The following AKAP12 variants were observed in gnomAD, a reference collection of about 807,000 sequenced individuals.
AKAP12 encodes A-kinase anchoring protein 12.
Under a neutral mutation model 79.9 loss-of-function variants are expected in AKAP12, and 32 were observed. The observed-to-expected ratio is 0.40, with a 90% CI of 0.30 to 0.54. AKAP12 has a LOEUF of 0.54. Ranked by LOEUF, AKAP12 falls within the 20% of genes least tolerant of loss-of-function variation. The pLI, the probability that AKAP12 is intolerant of heterozygous loss-of-function variation, is 0.48. For missense variants in AKAP12, 2,074 were observed against 2,177.0 expected, an observed-to-expected ratio of 0.95 and a Z score of 0.94; for synonymous variants, 808 against 857.0, an observed-to-expected ratio of 0.94 and a Z score of 1.00.
intron 2 of AKAP12, among the ~76,000 whole-genome samples, chr6:151,285,796 T>C (rs1212882734): frequency 2.5e-5 from 2 of 79,002 alleles, no homozygotes; most frequent in East Asian, 8.6e-4. Flanking sequence ...TCATTTCCTG[T>C]AAGTCAGTAT....
chr6:151,305,691 T>A (rs1776962453), intron 2 of AKAP12, 56 bp from the exon 3 acceptor site: 1 of 1,519,142 alleles, frequency 6.6e-7, no homozygotes, highest in Admixed American at 2.1e-5. Flanking sequence ...ATGCCTTGTT[T>A]CTGACTTGGT....
At chr6:151,341,725 A>C in intron 3 of AKAP12, 6 of 1,271,776 alleles carry the variant, frequency 4.7e-6, no homozygotes, top group Non-Finnish European at 6.1e-6. Flanking sequence ...TTCGCCCCGC[A>C]GCGATGGCGG....
chr6:151,314,316 C>A (rs988629750), intron 3 of AKAP12, among the ~76,000 whole-genome samples: 2 of 152,046 alleles, frequency 1.3e-5, no homozygotes, highest in Non-Finnish European at 2.9e-5. Flanking sequence ...CATGAGCCAC[C>A]GCACCCGGCC....
At chr6:151,324,414 G>C (rs1456227774) in intron 3 of AKAP12, 2 of 985,228 alleles carry the variant, frequency 2.0e-6, no homozygotes, top group African/African-American at 3.5e-5. Context: ...GGTGCATCGC[G>C]CCCCCTGGTG....
At chr6:151,277,041 A>G (rs6923913) in intron 2 of AKAP12, among the ~76,000 whole-genome samples, 12,796 of 152,260 alleles carry the variant, frequency 0.084, 678 homozygotes, top group African/African-American at 0.12. Context: ...AAACAAACCT[A>G]AAAACAAATA....
At chr6:151,247,864 G>A (rs184833476) in intron 2 of AKAP12, among the ~76,000 whole-genome samples, 247 of 152,246 alleles carry the variant, frequency 1.6e-3, no homozygotes, top group South Asian at 5.2e-3. Context: ...TGGGACACCG[G>A]GACACCATTA....
intron 2 of AKAP12, among the ~76,000 whole-genome samples, chr6:151,298,446 T>C (rs1359162282): frequency 3.9e-5 from 6 of 152,212 alleles, no homozygotes. Flanking sequence ...AGTTGACTTA[T>C]TAAGAACTTA....
At chr6:151,258,408 A>G (rs771966336) in intron 2 of AKAP12, among the ~76,000 whole-genome samples, 7 of 152,340 alleles carry the variant, frequency 4.6e-5, no homozygotes, top group South Asian at 2.1e-4. Context: ...GAACTTGAGA[A>G]GGACACTGAT....
chr6:151,241,382 G>A (rs976476680), intron 2 of AKAP12, among the ~76,000 whole-genome samples: 2 of 152,220 alleles, frequency 1.3e-5, no homozygotes, highest in Admixed American at 6.5e-5. Context: ...GACAGGTTTC[G>A]CAAACCAGCC....
In AKAP12 at chr6:151,332,034, T is replaced by TTGTTTTTGTTTTG. The variant is rs1415075436; in HGVS notation, c.320-16676_320-16675insGTTTTTGTTTTGT. On this transcript the variant is annotated intron_variant, in intron 3 of 4. Transcript: ENST00000402676. ...AGTAGCACGTCCAGTTCTGGGTCTG[T>TTGTTTTTGTTTTG]TTTTTTTTTTTTTTTTTTTTGAGAC... is the stretch of plus-strand genomic sequence containing the variant. Among the ~76,000 whole-genome samples, 10 of 100,562 alleles carry TTGTTTTTGTTTTG rather than the reference T, an allele frequency of 9.9e-5. No individual in the cohort carries two copies. In the South Asian group the frequency reaches 3.3e-3, roughly 33 times the overall value. 66.0% of individuals were successfully genotyped at this position (100,562 alleles called of 152,430 possible).
chr6:151,349,168 C>T lies in AKAP12; in HGVS notation c.777C>T (p.Gly259=), dbSNP rs768281837. 1 of 1,613,414 alleles carries T rather than the reference C, an allele frequency of 6.2e-7. No individual in the cohort carries two copies. Among genetic ancestry groups the T allele is most frequent in the African/African-American group, 1.3e-5 (1 of 74,612 alleles). ...AAATTTCTCCCCCAGCCGAATCTGG[C>T]CAAGCAGTGGAGGAATGCAAAGAGG... ...HAEISPPAES[G]QAVEECKEEG... Residue 259 remains glycine, a synonymous_variant, in exon 4 of 5, where the codon GGC becomes GGT. Transcript: ENST00000402676.
chr6:151,266,935 T>G (rs890494555), intron 2 of AKAP12, among the ~76,000 whole-genome samples: 25 of 140,658 alleles, frequency 1.8e-4, no homozygotes, highest in Non-Finnish European at 3.1e-4. Flanking sequence ...GAGAATGGCG[T>G]GAACCCGGGA....
chr6:151,307,083 C>T (rs1776992278), intron 3 of AKAP12, among the ~76,000 whole-genome samples: 1 of 152,138 alleles, frequency 6.6e-6, no homozygotes, highest in African/African-American at 2.4e-5. Context: ...GTGGAGCAGT[C>T]ACTTGAGGTG....
chr6:151,256,710 C>T (rs993630907), intron 2 of AKAP12, among the ~76,000 whole-genome samples: 8 of 151,758 alleles, frequency 5.3e-5, no homozygotes, highest in African/African-American at 1.5e-4. Context: ...AGTGCAGTGA[C>T]GCGATCTCGG....
intron 2 of AKAP12, among the ~76,000 whole-genome samples, chr6:151,256,391 T>C (rs920446167): frequency 6.6e-6 from 1 of 152,142 alleles, no homozygotes; most frequent in East Asian, 1.9e-4. Flanking sequence ...TTTAGTAGTA[T>C]TTTGTGGCTC....
Position 151,240,529 on chromosome 6 carries a change from C to A in AKAP12, c.-34C>A. The A allele has an allele frequency of 7.1e-7, 1 of 1,410,948 alleles. No individual in the cohort carries two copies. Among genetic ancestry groups the A allele is most frequent in the South Asian group, 1.5e-5 (1 of 67,284 alleles). The allele number at this position is 1,410,948 out of a possible 1,614,324, so 87.4% of individuals were successfully genotyped here. On this transcript the variant is annotated 5_prime_UTR_variant, in exon 2 of 5. Coordinates refer to ENST00000402676, the MANE Select transcript of AKAP12 (RefSeq NM_005100.4). Reference sequence around the variant, plus strand: ...CCTGCGGCTTGGGGAAGGCGTAACCCGGCGGCTAGGCGCGGGAGAAGTGCG... The same window carrying A: ...CCTGCGGCTTGGGGAAGGCGTAACCAGGCGGCTAGGCGCGGGAGAAGTGCG...
At chr6:151,248,899 A>T (rs1292172398) in intron 2 of AKAP12, among the ~76,000 whole-genome samples, 2 of 152,034 alleles carry the variant, frequency 1.3e-5, no homozygotes, top group African/African-American at 4.8e-5. Context: ...AGGCAGGAGA[A>T]TCGCTTGAAC....
chr6:151,302,558 T>C (rs1221158165), intron 2 of AKAP12, among the ~76,000 whole-genome samples: 1 of 152,208 alleles, frequency 6.6e-6, no homozygotes, highest in Non-Finnish European at 1.5e-5. Context: ...ATACCTTGGA[T>C]TGGGCAATTC....
intron 2 of AKAP12, among the ~76,000 whole-genome samples, chr6:151,304,769 G>A (rs1273478890): frequency 6.6e-6 from 1 of 151,626 alleles, no homozygotes; most frequent in East Asian, 2.0e-4. Context: ...AGTAGAGACG[G>A]GGTTTCACTA....
Sources: allele counts gnomAD v4.1 joint callset (sites outside exome capture counted in the v4.1 genomes callset), GRCh38; gene constraint gnomAD v4.1.1; transcripts MANE v1.5; gene names NCBI Gene and HGNC (gene_info 2026-07-23, HGNC 2026-07-21).